Variants in USH2A observed in about 807,000 individuals in gnomAD.
The protein encoded by USH2A is Usher syndrome 2A (autosomal recessive, mild).
USH2A carries 443 observed loss-of-function variants against 538.9 expected under a neutral mutation model. The ratio of observed to expected loss-of-function variants is 0.82; its 90% confidence interval spans 0.76 to 0.89. The LOEUF is 0.89. Among genes scored for constraint, USH2A ranks in the 40% least tolerant of loss-of-function variants. The probability of loss-of-function intolerance (pLI) is 0.00; values close to 1 mark genes in which losing one functional copy is unlikely to be tolerated. For missense variants in USH2A, 6,633 were observed against 6,324.8 expected (o/e 1.05, Z -1.65); for synonymous variants, 2,413 against 2,273.5 (o/e 1.06, Z -1.75).
At chr1:216,017,391 G>A (rs577319983) in intron 32 of USH2A, among the ~76,000 whole-genome samples, 8 of 152,306 alleles carry the variant, frequency 5.3e-5, no homozygotes, top group Admixed American at 4.6e-4. Flanking sequence ...GGAGATAATC[G>A]AGATAACTTT....
In USH2A at chr1:216,058,183, A is replaced by C. The variant is rs1012971059; in HGVS notation, c.6050-9536T>G. 4.7e-5 allele frequency among the ~76,000 whole-genome samples: 6 copies of C among 126,768 alleles called. 1 individual carries two copies. Among genetic ancestry groups the C allele is most frequent in the African/African-American group, 2.0e-4 (6 of 29,672 alleles). The allele number at this position is 126,768 out of a possible 152,430, so 83.2% of individuals were successfully genotyped here. On this transcript the variant is annotated intron_variant, in intron 30 of 71. Transcript: ENST00000307340. ...AAGATGAAGTGTGTGGGTCTCGCCTATGAACATCCCGCCTCTGCATTGACT... is the reference window on the plus strand; with the variant it reads ...AAGATGAAGTGTGTGGGTCTCGCCTCTGAACATCCCGCCTCTGCATTGACT...
At chr1:216,405,992 G>T (rs956731449) in intron 3 of USH2A, among the ~76,000 whole-genome samples, 2 of 152,188 alleles carry the variant, frequency 1.3e-5, no homozygotes, top group Non-Finnish European at 2.9e-5. Context: ...TTTAGAAATA[G>T]AGTACAAGTG....
rs1657927307 is a variant in USH2A at position 215,674,402 on chromosome 1, C to T, written c.13509G>A (p.Val4503=). 2 of 1,613,956 alleles carry T rather than the reference C, an allele frequency of 1.2e-6. No homozygotes were observed. The highest frequency in any genetic ancestry group is 1.7e-6 in the Non-Finnish European group (2 of 1,180,026). ...TGGCAGTTACTGTGTAGCTATACTC[C>T]ACACCTGGGGTGAGAGTAAAATCAC... ...RYRDFTLTPG[V]EYSYTVTASN... The change falls in exon 63 of 72, where the codon GTG becomes GTA. Residue 4503 remains valine (V), a synonymous_variant. Transcript: ENST00000307340.
intron 3 of USH2A, among the ~76,000 whole-genome samples, chr1:216,415,055 G>A (rs1259770057): frequency 1.3e-5 from 2 of 151,966 alleles, no homozygotes; most frequent in Non-Finnish European, 2.9e-5. Context: ...GCAAAAAAAT[G>A]TTTTTATGTA....
intron 37 of USH2A, 55 bp downstream of exon 37, chr1:215,965,262 A>G: frequency 1.9e-6 from 3 of 1,548,404 alleles, no homozygotes; most frequent in Non-Finnish European, 2.6e-6. Flanking sequence ...GATTTTAAAT[A>G]AAAATGAGTT....
rs200168441 is a variant in USH2A, at chr1:215,888,617, T to C, written c.8032A>G (p.Ser2678Gly). Reference sequence around the variant, plus strand: ...TTGTCAATAAACCTCATGGAATGACTCCTCGGGAGAGTCACCAGGGTAGTA... The same window carrying C: ...TTGTCAATAAACCTCATGGAATGACCCCTCGGGAGAGTCACCAGGGTAGTA... Reference protein sequence around the residue: ...EVTTLVTLPRSHSMRFIDKTS... With the variant: ...EVTTLVTLPRGHSMRFIDKTS... Residue 2678 changes from serine (S) to glycine (G), a missense_variant, in exon 41 of 72, where the codon AGT becomes GGT. Coordinates refer to ENST00000307340, the MANE Select transcript of USH2A (RefSeq NM_206933.4). 6.2e-7 allele frequency: 1 copy of C among 1,614,160 alleles called. No individual in the cohort carries two copies. The highest frequency in any genetic ancestry group is 2.2e-5 in the East Asian group (1 of 44,862).
intron 21 of USH2A, among the ~76,000 whole-genome samples, chr1:216,114,692 T>C (rs916198402): frequency 2.0e-5 from 3 of 152,158 alleles, no homozygotes; most frequent in Non-Finnish European, 2.9e-5. Flanking sequence ...TTTTAGGTGA[T>C]TGGTAAACCC....
intron 43 of USH2A, among the ~76,000 whole-genome samples, chr1:215,874,810 G>T (rs1664718250): frequency 6.6e-6 from 1 of 152,120 alleles, no homozygotes; most frequent in Admixed American, 6.5e-5. Flanking sequence ...AAGGAAATTG[G>T]GATGGTGGAA....
intron 4 of USH2A, among the ~76,000 whole-genome samples, chr1:216,339,970 A>C (rs1209230128): frequency 1.3e-5 from 2 of 152,030 alleles, no homozygotes; most frequent in Non-Finnish European, 2.9e-5. Context: ...GGAAAAGACA[A>C]GAAACAACTA....
intron 32 of USH2A, among the ~76,000 whole-genome samples, chr1:216,004,262 G>A (rs1238536846): frequency 6.6e-6 from 1 of 152,094 alleles, no homozygotes; most frequent in Non-Finnish European, 1.5e-5. Context: ...TCATCATATA[G>A]ATGGCTAGGA....
chr1:216,246,285 G>T (rs1472810176), intron 13 of USH2A, among the ~76,000 whole-genome samples: 1 of 152,080 alleles, frequency 6.6e-6, no homozygotes, highest in Non-Finnish European at 1.5e-5. Context: ...TTGTTGATCT[G>T]ATTTTTAAAA....
intron 47 of USH2A, among the ~76,000 whole-genome samples, chr1:215,819,793 A>G (rs901238308): frequency 4.0e-4 from 61 of 151,766 alleles, no homozygotes; most frequent in African/African-American, 1.4e-3. Flanking sequence ...CAAGAACATG[A>G]ACAGTTTGCT....
chr1:215,856,832 GGTGTGTGTGTGTGTGTGTGT>G (rs71159889), intron 44 of USH2A, among the ~76,000 whole-genome samples: 369 of 141,994 alleles, frequency 2.6e-3, no homozygotes, highest in African/African-American at 8.5e-3. Flanking sequence ...AAAAAAATTT[GGTGTGTGTGTGTGTGTGTGT>G]GTGTGTGTGT....
chr1:216,254,917 C>T (rs965767463), intron 11 of USH2A, among the ~76,000 whole-genome samples: 1 of 152,152 alleles, frequency 6.6e-6, no homozygotes, highest in Non-Finnish European at 1.5e-5. Flanking sequence ...GATAAAATAT[C>T]ATTGACCAGA....
At chr1:215,697,689 T>C (rs1658865038) in intron 61 of USH2A, among the ~76,000 whole-genome samples, 1 of 152,018 alleles carries the variant, frequency 6.6e-6, no homozygotes, top group Non-Finnish European at 1.5e-5. Flanking sequence ...ACCCAGCTAA[T>C]TTTGTATTTT....
intron 22 of USH2A, among the ~76,000 whole-genome samples, chr1:216,091,235 C>A (rs865988083): frequency 6.6e-6 from 1 of 152,136 alleles, no homozygotes; most frequent in Non-Finnish European, 1.5e-5. Flanking sequence ...TCAATAGATG[C>A]TATTCAGAAT....
chr1:215,711,599 TC>T (rs1456328345), intron 61 of USH2A, among the ~76,000 whole-genome samples: 1 of 152,194 alleles, frequency 6.6e-6, no homozygotes, highest in African/African-American at 2.4e-5. Context: ...CTAAAGTTTT[TC>T]TGGGGGGTCT....
chr1:216,392,561 T>C (rs565932368), intron 3 of USH2A, among the ~76,000 whole-genome samples: 82 of 151,982 alleles, frequency 5.4e-4, no homozygotes, highest in African/African-American at 1.7e-3. Context: ...TAGGTCTTTC[T>C]TAGGAACATC....
chr1:216,029,114 AATATATATTC>A (rs1357605524), intron 32 of USH2A, among the ~76,000 whole-genome samples: 2 of 151,988 alleles, frequency 1.3e-5, no homozygotes, highest in African/African-American at 4.8e-5. Flanking sequence ...ATAATGCATT[AATATATATTC>A]ATGGTACGAT....
Sources: allele counts gnomAD v4.1 joint callset (sites outside exome capture counted in the v4.1 genomes callset), GRCh38; gene constraint gnomAD v4.1.1; transcripts MANE v1.5; gene names NCBI Gene and HGNC (gene_info 2026-07-23, HGNC 2026-07-21).